The following HNMT variants were observed in gnomAD, a reference collection of about 807,000 sequenced individuals.
HNMT encodes histamine N-methyltransferase.
In HNMT, 30 loss-of-function variants were observed where a neutral mutation model predicts 32.1. The ratio of observed to expected loss-of-function variants is 0.93; its 90% CI spans 0.70 to 1.27. The LOEUF is 1.27. Ranked by LOEUF, HNMT falls within the 50% of genes most tolerant of loss-of-function variation. The probability of loss-of-function intolerance (pLI) is 0.00; values close to 1 mark genes in which losing one functional copy is unlikely to be tolerated. For missense variants in HNMT, 327 were observed against 346.0 expected, an observed-to-expected ratio of 0.95 and a Z score of 0.43; for synonymous variants, 125 against 119.0, an observed-to-expected ratio of 1.05 and a Z score of -0.33.
chr2:137,972,822 T>C (rs1195290228), intron 2 of HNMT, among the ~76,000 whole-genome samples: 1 of 152,202 alleles, frequency 6.6e-6, no homozygotes, highest in African/African-American at 2.4e-5. Flanking sequence ...ATCTCTATCA[T>C]GGCCAAGTTA....
rs1170081914 is a variant in HNMT at position 138,015,587 on chromosome 2, T to A, written c.*1457T>A. The A allele has an allele frequency of 6.6e-6, 1 of 152,190 alleles. No homozygotes were observed. Among genetic ancestry groups the A allele is most frequent in the Non-Finnish European group, 1.5e-5 (1 of 68,026 alleles). 9.4% of individuals were successfully genotyped at this position (152,190 alleles called of 1,614,324 possible). ...CTTTTTTGGACAACTTCATCAATGCTTTTTGAATTATATGTTTCAACAAAT... is the reference window on the plus strand; with the variant it reads ...CTTTTTTGGACAACTTCATCAATGCATTTTGAATTATATGTTTCAACAAAT... On this transcript the variant is annotated 3_prime_UTR_variant, in exon 6 of 6. Transcript: ENST00000280097.
chr2:137,969,304 A>C (rs1368911637), intron 1 of HNMT, among the ~76,000 whole-genome samples: 1 of 152,192 alleles, frequency 6.6e-6, no homozygotes, highest in African/African-American at 2.4e-5. Context: ...GATGGAATCT[A>C]CTTTTCTAGC....
intron 1 of HNMT, 85 bp downstream of exon 1, chr2:137,964,713 G>A: frequency 7.1e-7 from 1 of 1,413,022 alleles, no homozygotes; most frequent in Admixed American, 1.7e-5. Flanking sequence ...CAGCCTCGCA[G>A]GCTGGGCACA....
Position 137,976,094 on chromosome 2 carries a change from C to T in HNMT, c.190+5877C>T, listed in dbSNP as rs759689965. On this transcript the variant is annotated intron_variant, in intron 2 of 5. Coordinates refer to ENST00000280097, the MANE Select transcript of HNMT (RefSeq NM_006895.3). Reference sequence around the variant, plus strand: ...CCAGCCTGGCCAACATAGTGAAACCCGGCTTTTCTAAAAACACAAAAATTA... The same window carrying T: ...CCAGCCTGGCCAACATAGTGAAACCTGGCTTTTCTAAAAACACAAAAATTA... Among the ~76,000 whole-genome samples, 13 of 151,954 alleles carry T rather than the reference C, an allele frequency of 8.6e-5. 1 individual carries two copies. The highest frequency in any genetic ancestry group is 4.2e-4 in the South Asian group (2 of 4,802).
rs557710668 is a variant in HNMT, at chr2:138,016,252, A to G, written c.*2122A>G. The G allele has an allele frequency of 2.0e-5, 3 of 151,310 alleles. No homozygotes were observed. In the East Asian group the frequency reaches 5.8e-4, roughly 29 times the overall value. The allele number at this position is 151,310 out of a possible 1,614,324, so 9.4% of individuals were successfully genotyped here. A position where few individuals can be genotyped will look rare whatever the true frequency, so the allele number is the denominator to read the frequency against. ...AATGCTAAGTAAAGCGGGATCAATG[A>G]ATTATTTCCTTCTCAAACATTTATC... On this transcript the variant is annotated 3_prime_UTR_variant, in exon 6 of 6. Coordinates refer to ENST00000280097, the MANE Select transcript of HNMT (RefSeq NM_006895.3).
In HNMT at chr2:138,014,205, T is replaced by C; in HGVS notation, c.*75T>C. Reference sequence around the variant, plus strand: ...TCACTCATTTATTTCCATATTAAAATCACAAACTCATCCATTAATGTAGAT... The same window carrying C: ...TCACTCATTTATTTCCATATTAAAACCACAAACTCATCCATTAATGTAGAT... On this transcript the variant is annotated 3_prime_UTR_variant, in exon 6 of 6. Transcript: ENST00000280097. The C allele has an allele frequency of 3.2e-6, 3 of 945,148 alleles. No homozygotes were observed. Among genetic ancestry groups the C allele is most frequent in the Non-Finnish European group, 1.6e-6 (1 of 632,196 alleles). 58.5% of individuals were successfully genotyped at this position (945,148 alleles called of 1,614,324 possible). A position where few individuals can be genotyped will look rare whatever the true frequency, so the allele number is the denominator to read the frequency against.
chr2:138,012,022 A>G (rs1480194644), intron 5 of HNMT, among the ~76,000 whole-genome samples: 1 of 152,112 alleles, frequency 6.6e-6, no homozygotes, highest in Non-Finnish European at 1.5e-5. Flanking sequence ...CATGTATTAG[A>G]AGGCCCATAA....
intron 4 of HNMT, chr2:138,002,479 G>A (rs1324510301): frequency 1.1e-5 from 6 of 528,188 alleles, no homozygotes; most frequent in South Asian, 7.9e-5. Context: ...TGGGAGTCTC[G>A]CTGTGTCATC....
intron 1 of HNMT, 152 bp downstream of exon 1, chr2:137,964,780 C>A: frequency 1.4e-6 from 1 of 707,302 alleles, no homozygotes; most frequent in South Asian, 1.8e-5. Context: ...CGCTGCCCTG[C>A]CCTGCCTTTC....
At chr2:137,982,784 A>G (rs1680541490) in intron 2 of HNMT, among the ~76,000 whole-genome samples, 1 of 152,258 alleles carries the variant, frequency 6.6e-6, no homozygotes, top group South Asian at 2.1e-4. Context: ...ATATGCTGTA[A>G]TAACATAAAC....
Position 138,008,924 on chromosome 2 carries a change from G to C in HNMT, c.523+3699G>C, listed in dbSNP as rs935245343. On this transcript the variant is annotated intron_variant, in intron 5 of 5. Coordinates refer to ENST00000280097, the MANE Select transcript of HNMT (RefSeq NM_006895.3). ...GCAAATGGCATCTCATTAAACTTAA[G>C]AGCTTCTGTACAGCAAAAGAAACTA... 3.3e-5 allele frequency among the ~76,000 whole-genome samples: 5 copies of C among 151,968 alleles called. No homozygotes were observed. The East Asian group carries it at 5.8e-4, about 18-fold the overall frequency.
At chr2:137,973,160 C>A (rs560393606) in intron 2 of HNMT, among the ~76,000 whole-genome samples, 1 of 152,090 alleles carries the variant, frequency 6.6e-6, no homozygotes. Context: ...CACTACCCAA[C>A]TAAGTTATAT....
chr2:138,007,919 T>G (rs1475633618), intron 5 of HNMT, among the ~76,000 whole-genome samples: 1 of 151,998 alleles, frequency 6.6e-6, no homozygotes. Flanking sequence ...TCATAACTTC[T>G]CTCAGTCTTC....
At position 138,001,838 on chromosome 2, in the gene HNMT, G is replaced by T. The variant is rs545859220; in HGVS notation, c.299-226G>T. Among the ~76,000 whole-genome samples, 8 of 152,024 alleles carry T rather than the reference G, an allele frequency of 5.3e-5. No homozygotes were observed. The South Asian group carries it at 8.3e-4, about 16-fold the overall frequency. On this transcript the variant is annotated intron_variant, in intron 3 of 5. Transcript: ENST00000280097. ...GACAATATAACCTATTCTGCCCAGG[G>T]TTCTTGTAATTATTTCTTCCTGACT... is the stretch of plus-strand genomic sequence containing the variant.
chr2:138,000,853 C>A (rs1681146602), intron 2 of HNMT, 65 bp from the exon 3 acceptor site: 1 of 842,732 alleles, frequency 1.2e-6, no homozygotes, highest in South Asian at 1.8e-5. Context: ...AATAAATCAG[C>A]TAAAATTGTT....
chr2:137,978,210 C>A (rs1680344309), intron 2 of HNMT, among the ~76,000 whole-genome samples: 1 of 151,104 alleles, frequency 6.6e-6, no homozygotes, highest in African/African-American at 2.4e-5. Context: ...CTCACAATAC[C>A]AAAATATCTA....
chr2:137,996,601 T>C (rs1227261221), intron 2 of HNMT, among the ~76,000 whole-genome samples: 1 of 152,100 alleles, frequency 6.6e-6, no homozygotes, highest in Non-Finnish European at 1.5e-5. Flanking sequence ...ACTGCCCAAA[T>C]TGATTTATAG....
At position 138,000,976 on chromosome 2, in the gene HNMT, C is replaced by G; in HGVS notation, c.249C>G (p.Ile83Met). Residue 83 changes from isoleucine to methionine, a missense_variant, in exon 3 of 6, where the codon ATC becomes ATG. Coordinates refer to ENST00000280097, the MANE Select transcript of HNMT (RefSeq NM_006895.3). ...KVQAQYPGVCINNEVVEPSAE... is the reference protein window; with the variant it reads ...KVQAQYPGVCMNNEVVEPSAE... Reference sequence around the variant, plus strand: ...AGGCTCAATACCCAGGAGTTTGTATCAACAATGAAGTTGTTGAGCCAAGTG... The same window carrying G: ...AGGCTCAATACCCAGGAGTTTGTATGAACAATGAAGTTGTTGAGCCAAGTG... 6.2e-7 allele frequency: 1 copy of G among 1,609,448 alleles called. No individual in the cohort carries two copies. The highest frequency in any genetic ancestry group is 8.5e-7 in the Non-Finnish European group (1 of 1,177,934).
chr2:138,005,355 C>G, intron 5 of HNMT, 130 bp downstream of exon 5: 3 of 630,148 alleles, frequency 4.8e-6, no homozygotes. Context: ...CTAATCATAG[C>G]CAATTAATTT....
Sources: gnomAD v4.1 joint callset for allele counts (sites outside exome capture counted in the v4.1 genomes callset) on GRCh38, gnomAD v4.1.1 for gene constraint, MANE v1.5 for transcripts, NCBI Gene and HGNC (gene_info 2026-07-23, HGNC 2026-07-21) for gene names.